The following EYS variants were observed in gnomAD, a reference collection of about 807,000 sequenced individuals.
EYS encodes protein eyes shut homolog.
EYS carries 250 observed loss-of-function variants against 282.1 expected under a neutral mutation model. That is an observed-to-expected ratio of 0.89 (90% CI 0.80 to 0.98). The LOEUF (loss-of-function observed/expected upper bound fraction) is 0.98, where lower values mean the gene tolerates loss of function less well. EYS is among the 50% of genes least tolerant of loss of function. The pLI, the probability that EYS is intolerant of heterozygous loss-of-function variation, is 0.00. For missense variants in EYS, 4,016 were observed against 3,709.0 expected (o/e 1.08, Z -2.15); for synonymous variants, 1,355 against 1,282.9 (o/e 1.06, Z -1.20).
chr6:64,282,225 G>A (rs1768332302), intron 30 of EYS, among the ~76,000 whole-genome samples: 1 of 152,074 alleles, frequency 6.6e-6, no homozygotes, highest in African/African-American at 2.4e-5. Flanking sequence ...TCTTGATTCT[G>A]GGGATAATAA....
intron 30 of EYS, among the ~76,000 whole-genome samples, chr6:64,301,961 C>T (rs1050399909): frequency 1.8e-4 from 28 of 152,132 alleles, no homozygotes; most frequent in African/African-American, 6.5e-4. Context: ...ATATTGTTAG[C>T]GACTCTGCTT....
chr6:64,064,678 C>A (rs913050379), intron 33 of EYS, among the ~76,000 whole-genome samples: 1 of 152,126 alleles, frequency 6.6e-6, no homozygotes, highest in Admixed American at 6.5e-5. Flanking sequence ...GGTTTGAGGA[C>A]TGCTCTATTA....
chr6:65,040,298 C>T (rs1277978450), intron 13 of EYS, among the ~76,000 whole-genome samples: 2 of 151,678 alleles, frequency 1.3e-5, no homozygotes, highest in Admixed American at 1.3e-4. Flanking sequence ...AGAATCTCTT[C>T]CATGTTCCTC....
intron 24 of EYS, among the ~76,000 whole-genome samples, chr6:64,601,998 C>T (rs940833912): frequency 3.3e-5 from 5 of 152,100 alleles, no homozygotes; most frequent in African/African-American, 1.2e-4. Context: ...TTTTATCACA[C>T]GGGTTATAAC....
intron 24 of EYS, 26 bp from the exon 25 acceptor site, chr6:64,593,335 A>G: frequency 6.6e-7 from 1 of 1,516,490 alleles, no homozygotes; most frequent in South Asian, 1.3e-5. Context: ...ACAGTAATTA[A>G]ATTAAGCTCA....
chr6:64,841,524 T>G (rs1765562799), intron 19 of EYS, among the ~76,000 whole-genome samples: 1 of 152,110 alleles, frequency 6.6e-6, no homozygotes, highest in Non-Finnish European at 1.5e-5. Context: ...GATAGAATAG[T>G]TCTTGGTCAA....
rs1769326028 is a variant in EYS, at chr6:63,750,894, C to A, written c.8071+11567G>T. On this transcript the variant is annotated intron_variant, in intron 41 of 42. Transcript: ENST00000503581. ...TTTGTTGGGGAAGGAGAGCCTGTAG[C>A]TTCCTAGTCTATCTATGCTGACCTG... Among the ~76,000 whole-genome samples, 3 of 152,184 alleles carry A rather than the reference C, an allele frequency of 2.0e-5. No homozygotes were observed. In the South Asian group the frequency reaches 6.2e-4, roughly 31 times the overall value.
chr6:65,202,643 T>C (rs1765930556), intron 12 of EYS, among the ~76,000 whole-genome samples: 1 of 152,148 alleles, frequency 6.6e-6, no homozygotes, highest in East Asian at 1.9e-4. Flanking sequence ...GGAAGCTGGG[T>C]ACCCCTCCCT....
At chr6:64,579,380 T>C (rs1765989831) in intron 26 of EYS, among the ~76,000 whole-genome samples, 1 of 152,156 alleles carries the variant, frequency 6.6e-6, no homozygotes, top group African/African-American at 2.4e-5. Context: ...GCCAACTCAC[T>C]GGAACCTGAG....
intron 28 of EYS, among the ~76,000 whole-genome samples, chr6:64,420,516 G>GA (rs1774196749): frequency 6.6e-6 from 1 of 151,956 alleles, no homozygotes; most frequent in South Asian, 2.1e-4. Flanking sequence ...GCATCCACAG[G>GA]CTCAACACCA....
At chr6:65,593,438 G>A (rs1441519562) in intron 2 of EYS, among the ~76,000 whole-genome samples, 7 of 151,998 alleles carry the variant, frequency 4.6e-5, no homozygotes, top group Non-Finnish European at 8.8e-5. Flanking sequence ...ATGCCTTAGG[G>A]CATGGGCTTT....
chr6:65,623,355 A>G (rs945571446), intron 2 of EYS, among the ~76,000 whole-genome samples: 1 of 152,228 alleles, frequency 6.6e-6, no homozygotes, highest in African/African-American at 2.4e-5. Context: ...CTTAATTTTT[A>G]AACTGCTTAT....
At chr6:63,953,793 G>A (rs777832888) in intron 35 of EYS, among the ~76,000 whole-genome samples, 1 of 152,086 alleles carries the variant, frequency 6.6e-6, no homozygotes, top group Non-Finnish European at 1.5e-5. Flanking sequence ...CTGAAATACA[G>A]GGCTGTGCAA....
intron 12 of EYS, among the ~76,000 whole-genome samples, chr6:65,292,235 T>C (rs567882777): frequency 4.0e-5 from 6 of 151,820 alleles, no homozygotes; most frequent in Non-Finnish European, 5.9e-5. Flanking sequence ...ACATAAGATA[T>C]AAAATCAATG....
chr6:65,343,946 A>G (rs1770294181), intron 10 of EYS, 92 bp downstream of exon 10: 1 of 1,098,514 alleles, frequency 9.1e-7, no homozygotes, highest in African/African-American at 1.6e-5. Context: ...AATATTTAAG[A>G]ATCTGTAACC....
intron 1 of EYS, among the ~76,000 whole-genome samples, chr6:65,687,799 C>A (rs572151834): frequency 6.6e-6 from 1 of 152,074 alleles, no homozygotes; most frequent in Admixed American, 6.6e-5. Context: ...CAGACAAACG[C>A]AGAGCCAAAT....
intron 22 of EYS, among the ~76,000 whole-genome samples, chr6:64,672,852 CT>C (rs1213685156): frequency 3.9e-5 from 6 of 152,138 alleles, no homozygotes; most frequent in Non-Finnish European, 2.9e-5. Context: ...GTGACTCAAA[CT>C]ATTTATCTTA....
At chr6:65,039,674 T>C (rs548402016) in intron 13 of EYS, among the ~76,000 whole-genome samples, 15 of 151,722 alleles carry the variant, frequency 9.9e-5, no homozygotes, top group African/African-American at 3.6e-4. Context: ...TTTAAAAATA[T>C]TAACCATAAA....
At chr6:64,500,846 C>T (rs1777015198) in intron 26 of EYS, among the ~76,000 whole-genome samples, 1 of 152,004 alleles carries the variant, frequency 6.6e-6, no homozygotes, top group Non-Finnish European at 1.5e-5. Context: ...ACTAAATTGA[C>T]CATGGCAAGG....
Sources: gnomAD v4.1 joint callset for allele counts (sites outside exome capture counted in the v4.1 genomes callset) on GRCh38, gnomAD v4.1.1 for gene constraint, MANE v1.5 for transcripts, NCBI Gene and HGNC (gene_info 2026-07-23, HGNC 2026-07-21) for gene names.